Variants in GPR158 observed in about 807,000 individuals in gnomAD.
GPR158 encodes the protein metabotropic glycine receptor.
A neutral mutation model predicts 78.2 loss-of-function variants in GPR158; 30 were observed. The observed-to-expected ratio is 0.38, with a 90% confidence interval of 0.29 to 0.52. The LOEUF (loss-of-function observed/expected upper bound fraction) is 0.52, where lower values mean the gene tolerates loss of function less well. GPR158 is among the 20% of genes least tolerant of loss of function. The probability of loss-of-function intolerance (pLI) is 0.83; values close to 1 mark genes in which losing one functional copy is unlikely to be tolerated. For synonymous variants in GPR158, 581 were observed against 591.1 expected (o/e 0.98, Z 0.25); for missense variants, 1,463 against 1,523.5 (o/e 0.96, Z 0.66).
intron 1 of GPR158, among the ~76,000 whole-genome samples, chr10:25,188,635 A>G (rs1707594475): frequency 6.6e-6 from 1 of 152,216 alleles, no homozygotes; most frequent in Admixed American, 6.5e-5. Flanking sequence ...AATTAATTCA[A>G]GATGGATTGA....
intron 2 of GPR158, among the ~76,000 whole-genome samples, chr10:25,361,769 C>A (rs919433175): frequency 1.3e-5 from 2 of 151,818 alleles, no homozygotes; most frequent in African/African-American, 2.4e-5. Flanking sequence ...AAATCCTTTG[C>A]ATATTTTTTA....
chr10:25,399,453 T>C (rs970179774), intron 3 of GPR158, among the ~76,000 whole-genome samples: 1 of 152,142 alleles, frequency 6.6e-6, no homozygotes, highest in African/African-American at 2.4e-5. Flanking sequence ...CTAGGTTGCA[T>C]GCTCCTTATG....
At chr10:25,523,371 G>T (rs181385952) in intron 5 of GPR158, among the ~76,000 whole-genome samples, 1 of 152,208 alleles carries the variant, frequency 6.6e-6, no homozygotes, top group African/African-American at 2.4e-5. Flanking sequence ...CTAGGAATGC[G>T]ACATGAGTAA....
chr10:25,452,998 G>A (rs1835241712), intron 4 of GPR158, among the ~76,000 whole-genome samples: 1 of 152,078 alleles, frequency 6.6e-6, no homozygotes, highest in African/African-American at 2.4e-5. Flanking sequence ...TCTCTGTCTG[G>A]CTTATTTCAC....
Position 25,598,049 on chromosome 10 carries a change from A to G in GPR158, c.2423A>G (p.Lys808Arg), listed in dbSNP as rs867993512. The change falls in exon 11 of 11, where the codon AAA (lysine) becomes AGA (arginine). Residue 808 changes from lysine to arginine, a missense_variant. By Grantham distance (26) the Lys-to-Arg change is conservative (BLOSUM62 2). Transcript: ENST00000376351. Reference protein sequence around the residue: ...NTGKSKEETLKNRVFSLKKSH... With the variant: ...NTGKSKEETLRNRVFSLKKSH... ...GGGAAATCCAAGGAGGAGACCCTGAAAAACCGAGTCTTCTCACTCAAGAAA... is the reference window on the plus strand; with the variant it reads ...GGGAAATCCAAGGAGGAGACCCTGAGAAACCGAGTCTTCTCACTCAAGAAA... 2.5e-6 allele frequency: 4 copies of G among 1,613,982 alleles called. No homozygotes were observed. The highest frequency in any genetic ancestry group is 1.3e-5 in the African/African-American group (1 of 74,938).
rs756742627 is a variant in GPR158 at position 25,599,427 on chromosome 10, G to A, written c.*153G>A. The A allele has an allele frequency of 1.1e-5, 7 of 622,788 alleles. No individual in the cohort carries two copies. Among genetic ancestry groups the A allele is most frequent in the African/African-American group, 1.8e-5 (1 of 54,316 alleles). The allele number at this position is 622,788 out of a possible 1,614,324, so 38.6% of individuals were successfully genotyped here. On this transcript the variant is annotated 3_prime_UTR_variant, in exon 11 of 11. Transcript: ENST00000376351. ...AAAGGCATGGGTAGAAGAGGACCAG[G>A]GGGGCAAGAGCAACAACGTCATAAT...
chr10:25,238,409 T>C (rs1853557148), intron 2 of GPR158, among the ~76,000 whole-genome samples: 1 of 152,272 alleles, frequency 6.6e-6, no homozygotes, highest in African/African-American at 2.4e-5. Flanking sequence ...TAATATCTGT[T>C]AATAAAATAA....
intron 5 of GPR158, among the ~76,000 whole-genome samples, chr10:25,487,213 G>C (rs1174380782): frequency 6.6e-6 from 1 of 152,000 alleles, no homozygotes; most frequent in Non-Finnish European, 1.5e-5. Flanking sequence ...ACAAGTCTCT[G>C]AGACATTCTA....
intron 2 of GPR158, among the ~76,000 whole-genome samples, chr10:25,359,621 G>A (rs1182478191): frequency 6.6e-6 from 1 of 152,114 alleles, no homozygotes; most frequent in African/African-American, 2.4e-5. Flanking sequence ...GTATTTCGTG[G>A]TATATACGTG....
chr10:25,299,911 C>T (rs954065920), intron 2 of GPR158, among the ~76,000 whole-genome samples: 11 of 152,128 alleles, frequency 7.2e-5, no homozygotes, highest in African/African-American at 2.4e-4. Flanking sequence ...ACTGCAACCT[C>T]TACCTCCAGG....
At chr10:25,296,036 A>C (rs78491879) in intron 2 of GPR158, among the ~76,000 whole-genome samples, 1 of 144,020 alleles carries the variant, frequency 6.9e-6, no homozygotes, top group African/African-American at 2.5e-5. Context: ...TGAGAAAAGC[A>C]TAGCAGGGGC....
intron 4 of GPR158, among the ~76,000 whole-genome samples, chr10:25,426,553 G>C (rs985881094): frequency 6.6e-6 from 1 of 151,970 alleles, no homozygotes; most frequent in Non-Finnish European, 1.5e-5. Context: ...ATGTCTCAGG[G>C]AATAGGGCCC....
At chr10:25,453,237 ATC>A (rs1172427117) in intron 4 of GPR158, among the ~76,000 whole-genome samples, 1 of 152,178 alleles carries the variant, frequency 6.6e-6, no homozygotes, top group South Asian at 2.1e-4. Flanking sequence ...TTGAATATAT[ATC>A]TGTTAGTGGG....
intron 2 of GPR158, among the ~76,000 whole-genome samples, chr10:25,293,226 T>G (rs1036488033): frequency 1.3e-5 from 2 of 152,204 alleles, no homozygotes; most frequent in African/African-American, 4.8e-5. Context: ...GCATTGTTAC[T>G]TATTCTCTAC....
chr10:25,591,569 A>G (rs1028667945), intron 8 of GPR158, among the ~76,000 whole-genome samples: 2 of 152,122 alleles, frequency 1.3e-5, no homozygotes, highest in Non-Finnish European at 2.9e-5. Flanking sequence ...ATGTACTTGC[A>G]AGATCAATTT....
chr10:25,424,122 C>G (rs147127498), intron 4 of GPR158, among the ~76,000 whole-genome samples: 1,707 of 152,308 alleles, frequency 0.011, 34 homozygotes, highest in African/African-American at 0.03. Context: ...TTGCATTTCT[C>G]TGATGGCCGG....
intron 2 of GPR158, among the ~76,000 whole-genome samples, chr10:25,261,344 A>G (rs1853964730): frequency 6.6e-6 from 1 of 152,174 alleles, no homozygotes; most frequent in African/African-American, 2.4e-5. Flanking sequence ...CCAGGTTTAT[A>G]GTACTCCTGA....
intron 5 of GPR158, among the ~76,000 whole-genome samples, chr10:25,540,675 A>G (rs894614606): frequency 2.0e-5 from 3 of 151,932 alleles, no homozygotes; most frequent in African/African-American, 7.3e-5. Context: ...CATCATTCTC[A>G]GCAAACTATC....
chr10:25,208,793 T>C (rs1258040747), intron 1 of GPR158, among the ~76,000 whole-genome samples: 1 of 152,062 alleles, frequency 6.6e-6, no homozygotes, highest in Non-Finnish European at 1.5e-5. Context: ...TTGGGATTAC[T>C]TGGAGACTGT....
Sources: allele counts gnomAD v4.1 joint callset (sites outside exome capture counted in the v4.1 genomes callset), GRCh38; gene constraint gnomAD v4.1.1; transcripts MANE v1.5; gene names NCBI Gene and HGNC (gene_info 2026-07-23, HGNC 2026-07-21).